Variants in DENND2B observed in about 807,000 individuals in gnomAD.
DENND2B encodes the protein DENN domain containing 2B.
DENND2B carries 32 observed loss-of-function variants against 116.0 expected under a neutral mutation model. The observed-to-expected ratio is 0.28, with a 90% CI of 0.21 to 0.37. The LOEUF (loss-of-function observed/expected upper bound fraction) is 0.37. DENND2B is among the 10% of genes least tolerant of loss of function. The pLI is 1.00. For missense variants in DENND2B, 1,276 were observed against 1,477.7 expected, an observed-to-expected ratio of 0.86 and a Z score of 2.24; for synonymous variants, 588 against 583.9, an observed-to-expected ratio of 1.01 and a Z score of -0.10.
intron 11 of DENND2B, 35 bp downstream of exon 11, chr11:8,710,810 G>C: frequency 6.3e-7 from 1 of 1,580,510 alleles, no homozygotes; most frequent in Non-Finnish European, 8.7e-7. Context: ...CCTATCCCCT[G>C]CCTGCTGGCC....
chr11:8,820,805 T>A (rs1327467409), intron 4 of DENND2B, among the ~76,000 whole-genome samples: 1 of 152,120 alleles, frequency 6.6e-6, no homozygotes, highest in African/African-American at 2.4e-5. Flanking sequence ...CTGCACTAGA[T>A]GGACTATTGT....
chr11:8,794,340 A>G (rs1362741087), intron 1 of DENND2B, among the ~76,000 whole-genome samples: 2 of 152,216 alleles, frequency 1.3e-5, no homozygotes, highest in African/African-American at 4.8e-5. Flanking sequence ...ACTGAATCCA[A>G]GTTCCCAGTG....
intron 3 of DENND2B, among the ~76,000 whole-genome samples, chr11:8,855,978 G>C (rs2063180247): frequency 6.6e-6 from 1 of 152,124 alleles, no homozygotes; most frequent in Non-Finnish European, 1.5e-5. Flanking sequence ...TCCAATTCTT[G>C]TTCATCTTCA....
At chr11:8,810,725 C>T (rs1048184378), upstream of DENND2B, 4 of 152,278 alleles carry the variant, frequency 2.6e-5, no homozygotes, top group African/African-American at 4.8e-5. Flanking sequence ...ACCCTGTCCT[C>T]GCTAGGCGGG....
chr11:8,707,740 T>G lies in DENND2B; in HGVS notation c.2430+37A>C. 1.3e-6 allele frequency: 2 copies of G among 1,578,716 alleles called. No individual in the cohort carries two copies. Among genetic ancestry groups the G allele is most frequent in the Non-Finnish European group, 1.7e-6 (2 of 1,161,402 alleles). On this transcript the variant is annotated intron_variant, in intron 12 of 19. Coordinates refer to ENST00000313726, the MANE Select transcript of DENND2B (RefSeq NM_213618.2). The surrounding 1 kb of genome is among the most constrained non-coding windows in gnomAD (Gnocchi z 4.8). ...AGATACTCCTGTGGGAGCTGTCAGC[T>G]GGGGGACGGGGAGGGAAGCCTGCCA...
At chr11:8,751,904 ACTTC>A (rs2052575547) in intron 1 of DENND2B, among the ~76,000 whole-genome samples, 1 of 152,168 alleles carries the variant, frequency 6.6e-6, no homozygotes, top group Admixed American at 6.5e-5. Context: ...CTTGAAACTG[ACTTC>A]CTTTTCTTAA....
chr11:8,821,149 T>A (rs1189990904), intron 4 of DENND2B, among the ~76,000 whole-genome samples: 7 of 150,776 alleles, frequency 4.6e-5, no homozygotes, highest in Non-Finnish European at 8.9e-5. Context: ...TTAATTAATT[T>A]AATTTAATTT....
At chr11:8,757,035 G>A (rs1283644611) in intron 1 of DENND2B, 1 of 456,152 alleles carries the variant, frequency 2.2e-6, no homozygotes, top group African/African-American at 2.0e-5. Flanking sequence ...GAAAGGAATA[G>A]AATAAGGTAC....
At chr11:8,708,203 GACCCCA>G in intron 11 of DENND2B, 1 of 1,244,562 alleles carries the variant, frequency 8.0e-7, no homozygotes, top group Non-Finnish European at 1.0e-6. Context: ...CTGAGGCTGG[GACCCCA>G]GCAGATGGGA....
At chr11:8,758,342 G>A (rs199515344) in intron 1 of DENND2B, among the ~76,000 whole-genome samples, 12 of 152,030 alleles carry the variant, frequency 7.9e-5, no homozygotes, top group East Asian at 7.7e-4. Context: ...ACAAAGGAAC[G>A]CACACACCAC....
At chr11:8,770,760 T>C (rs1407902266) in intron 1 of DENND2B, among the ~76,000 whole-genome samples, 2 of 152,184 alleles carry the variant, frequency 1.3e-5, no homozygotes, top group African/African-American at 4.8e-5. Flanking sequence ...GGCATCATTA[T>C]AGCTACTGCA....
At chr11:8,792,196 C>T (rs755322389) in intron 1 of DENND2B, among the ~76,000 whole-genome samples, 10 of 152,238 alleles carry the variant, frequency 6.6e-5, no homozygotes, top group Non-Finnish European at 1.0e-4. Flanking sequence ...CAGAGTGAGA[C>T]GCTATCTCAC....
chr11:8,899,849 G>A (rs1253173998), intron 1 of DENND2B, among the ~76,000 whole-genome samples: 1 of 152,086 alleles, frequency 6.6e-6, no homozygotes, highest in African/African-American at 2.4e-5. Context: ...TTCTTTAAAA[G>A]CCATAAGAGC....
chr11:8,734,173 A>G (rs2048577142), intron 2 of DENND2B, among the ~76,000 whole-genome samples: 2 of 152,192 alleles, frequency 1.3e-5, no homozygotes, highest in Admixed American at 1.3e-4. Flanking sequence ...ATCTGTCTGC[A>G]TGTTTCTGAT....
intron 1 of DENND2B, among the ~76,000 whole-genome samples, chr11:8,899,214 G>T (rs2134755741): frequency 6.6e-6 from 1 of 152,108 alleles, no homozygotes; most frequent in East Asian, 1.9e-4. Flanking sequence ...TCAGAGATTT[G>T]AGAGATACCA....
intron 4 of DENND2B, among the ~76,000 whole-genome samples, chr11:8,818,225 C>T (rs995255387): frequency 1.4e-5 from 2 of 148,008 alleles, no homozygotes; most frequent in African/African-American, 4.9e-5. Context: ...ATCACACCAC[C>T]GTACTCCAGC....
intron 4 of DENND2B, among the ~76,000 whole-genome samples, chr11:8,817,723 A>T (rs954092590): frequency 1.3e-5 from 2 of 152,086 alleles, no homozygotes; most frequent in African/African-American, 4.8e-5. Context: ...ATAAAGCTCA[A>T]TGTCCAGATA....
intron 3 of DENND2B, chr11:8,845,296 C>T (rs559238549): frequency 1.3e-5 from 2 of 152,274 alleles, no homozygotes; most frequent in Admixed American, 6.5e-5. Flanking sequence ...TGTGCCATCT[C>T]GTCTGATCTC....
rs568829075 is a variant in DENND2B, at chr11:8,715,625, C to G, written c.1823G>C (p.Arg608Pro). ...TACCTTGGGAATGCGGCGGGCCCGG[C>G]GGCTGGACAGCAGCTCGCTGGTGGT... ...LSTTSELLSS[R>P]RARRIPKLVQ... Residue 608 changes from arginine to proline, a missense_variant, in exon 6 of 20, where the codon CGC becomes CCC. Physicochemically the swap from Arg to Pro is moderately radical, Grantham distance 103. Coordinates refer to ENST00000313726, the MANE Select transcript of DENND2B (RefSeq NM_213618.2). 22 of 1,612,394 alleles carry G rather than the reference C, an allele frequency of 1.4e-5. No individual in the cohort carries two copies. Among genetic ancestry groups the G allele is most frequent in the Non-Finnish European group, 1.7e-5 (20 of 1,179,026 alleles).
Sources: allele counts gnomAD v4.1 joint callset (sites outside exome capture counted in the v4.1 genomes callset), GRCh38; gene constraint gnomAD v4.1.1; non-coding constraint Gnocchi (gnomAD v3.1); transcripts MANE v1.5; gene names NCBI Gene and HGNC (gene_info 2026-07-23, HGNC 2026-07-21).